Variants in GNAS observed in about 807,000 individuals in gnomAD.
GNAS encodes the protein protein ALEX.
In GNAS, 8 loss-of-function variants were observed where a neutral mutation model predicts 54.5. The observed-to-expected ratio is 0.15, with a 90% CI of 0.09 to 0.26. GNAS has a LOEUF of 0.26. Among genes scored for constraint, GNAS ranks in the 10% least tolerant of loss-of-function variants. GNAS has a pLI of 1.00. For synonymous variants in GNAS, 204 were observed against 191.4 expected (o/e 1.07, Z -0.54); for missense variants, 170 against 529.8 (o/e 0.32, Z 6.67).
chr20:58,877,638 GAT>G (rs1190804721), intron 1 of GNAS, among the ~76,000 whole-genome samples: 3 of 152,234 alleles, frequency 2.0e-5, no homozygotes, highest in Non-Finnish European at 4.4e-5. Flanking sequence ...CTGATGCTCT[GAT>G]GGGCAGAAGC....
chr20:58,891,095 C>T (rs1048163283), upstream of GNAS, among the ~76,000 whole-genome samples: 1 of 149,810 alleles, frequency 6.7e-6, no homozygotes, highest in Admixed American at 6.6e-5. Flanking sequence ...CCCCTCTCCC[C>T]CCTCGGCTCA....
At chr20:58,865,990 C>T (rs1173500471) in intron 1 of GNAS, among the ~76,000 whole-genome samples, 8 of 152,166 alleles carry the variant, frequency 5.3e-5, no homozygotes, top group Non-Finnish European at 2.9e-5. Context: ...CTGGTGCACA[C>T]TCAATTAATT....
intron 6 of GNAS, among the ~76,000 whole-genome samples, chr20:58,905,727 T>C (rs1247827906): frequency 6.6e-6 from 1 of 152,224 alleles, no homozygotes; most frequent in Admixed American, 6.5e-5. Context: ...TAGAGCAAAA[T>C]GATGATGAGT....
At chr20:58,842,936 T>C (rs2085794555) in intron 1 of GNAS, among the ~76,000 whole-genome samples, 1 of 152,216 alleles carries the variant, frequency 6.6e-6, no homozygotes, top group South Asian at 2.1e-4. Flanking sequence ...GCAGGATGAA[T>C]AAACAAGTTT....
intron 1 of GNAS, chr20:58,844,067 C>T (rs1168342322): frequency 6.6e-6 from 1 of 152,164 alleles, no homozygotes; most frequent in Non-Finnish European, 1.5e-5. Flanking sequence ...GCTGAAACTT[C>T]AGTGTTGGTA....
chr20:58,854,681 G>A lies in GNAS; in HGVS notation c.43+13795G>A, dbSNP rs56289370. 2.0e-6 allele frequency: 3 copies of A among 1,520,784 alleles called. No homozygotes were observed. In the African/African-American group the frequency reaches 4.4e-5, roughly 22 times the overall value. The allele number at this position is 1,520,784 out of a possible 1,614,324, so 94.2% of individuals were successfully genotyped here. On this transcript the variant is annotated intron_variant, in intron 1 of 12. Coordinates refer to the GNAS transcript ENST00000306090. ...ATCCAGATGCCGGGGCGGCCCCTGA[G>A]GCTCCCGCCGCCCCTGCGGCTGCTG... is the stretch of plus-strand genomic sequence containing the variant.
chr20:58,897,959 C>T (rs538302099), intron 2 of GNAS: 1 of 152,338 alleles, frequency 6.6e-6, no homozygotes, highest in South Asian at 2.1e-4. Context: ...TTTGTTAGGG[C>T]TCGGCTGAGC....
chr20:58,901,472 C>T (rs1221769493), intron 3 of GNAS, among the ~76,000 whole-genome samples: 3 of 152,156 alleles, frequency 2.0e-5, no homozygotes, highest in African/African-American at 4.8e-5. Context: ...CGCTCACCTC[C>T]CTGTCATCTG....
At chr20:58,859,782 T>C (rs1001589458) in intron 1 of GNAS, among the ~76,000 whole-genome samples, 4 of 152,008 alleles carry the variant, frequency 2.6e-5, no homozygotes, top group Admixed American at 6.6e-5. Flanking sequence ...GCATGCACCA[T>C]GCCCGGCTAA....
chr20:58,886,454 A>G (rs1451421599), upstream of GNAS, among the ~76,000 whole-genome samples: 3 of 152,008 alleles, frequency 2.0e-5, no homozygotes, highest in African/African-American at 7.2e-5. Context: ...CCTCCCTGAA[A>G]TCTCCATAAC....
chr20:58,849,525 A>G (rs535523790), intron 1 of GNAS, among the ~76,000 whole-genome samples: 2 of 152,198 alleles, frequency 1.3e-5, no homozygotes, highest in South Asian at 4.1e-4. Flanking sequence ...CTTTCCTCCC[A>G]GAAAATGGGC....
At chr20:58,898,825 C>T (rs984611716) in intron 2 of GNAS, 116 bp from the exon 3 acceptor site, 7 of 951,786 alleles carry the variant, frequency 7.4e-6, no homozygotes, top group Admixed American at 1.7e-5. Flanking sequence ...GGCTGGCGCG[C>T]GAATTGTTGC....
intron 1 of GNAS, among the ~76,000 whole-genome samples, chr20:58,861,421 G>A (rs1246464636): frequency 2.6e-5 from 4 of 152,154 alleles, no homozygotes; most frequent in African/African-American, 9.7e-5. Flanking sequence ...AGGAGACTCT[G>A]GCCCTAACAC....
chr20:58,855,779 C>T, intron 1 of GNAS: 4 of 613,796 alleles, frequency 6.5e-6, no homozygotes, highest in Non-Finnish European at 8.8e-6. Flanking sequence ...TGGACTCAGA[C>T]AGCTTGTCGT....
intron 2 of GNAS, 107 bp from the exon 3 acceptor site, chr20:58,898,834 G>A (rs535776802): frequency 6.0e-5 from 62 of 1,030,266 alleles, no homozygotes; most frequent in Middle Eastern, 2.6e-4. Context: ...GCGAATTGTT[G>A]CTTTTGCTCT....
intron 1 of GNAS, chr20:58,864,092 G>T (rs954354868): frequency 6.6e-6 from 1 of 152,070 alleles, no homozygotes; most frequent in African/African-American, 2.4e-5. Flanking sequence ...ATTTTTCTAG[G>T]GTTGTAGTAG....
Position 58,910,160 on chromosome 20 carries a change from C to G in GNAS, c.970+79C>G. ...ACGGTCAGGCTGAAAACCCCCATCC[C>G]CCTCCCACCACCAAACCATAAAGGA... On this transcript the variant is annotated intron_variant, in intron 11 of 12. Transcript: ENST00000371085. This position sits in a 1 kb window ranked among gnomAD's most constrained non-coding sequence, Gnocchi z 5.8. The G allele has an allele frequency of 2.1e-6, 3 of 1,443,426 alleles. No individual in the cohort carries two copies. In the South Asian group the frequency reaches 3.4e-5, roughly 16 times the overall value. The allele number at this position is 1,443,426 out of a possible 1,614,324, so 89.4% of individuals were successfully genotyped here.
intron 1 of GNAS, chr20:58,892,133 TGCTCTCGCTCTC>T: frequency 1.0e-6 from 1 of 957,426 alleles, no homozygotes; most frequent in African/African-American, 2.0e-5. Flanking sequence ...GTCTCTCTCT[TGCTCTCGCTCTC>T]GCTCTCCCCC....
intron 5 of GNAS, among the ~76,000 whole-genome samples, chr20:58,904,192 G>A (rs925547993): frequency 1.3e-5 from 2 of 152,062 alleles, no homozygotes; most frequent in African/African-American, 4.8e-5. Context: ...TGTTAAATAT[G>A]GCACACAAAT....
Sources: gnomAD v4.1 joint callset for allele counts (sites outside exome capture counted in the v4.1 genomes callset) on GRCh38, gnomAD v4.1.1 for gene constraint, Gnocchi (gnomAD v3.1) non-coding constraint, MANE v1.5 for transcripts, NCBI Gene and HGNC (gene_info 2026-07-23, HGNC 2026-07-21) for gene names.